EXOC4: variants seen among roughly 807,000 people sequenced by gnomAD.
EXOC4 encodes SEC8-like 1.
In EXOC4, 71 loss-of-function variants were observed where a neutral mutation model predicts 107.2. The observed-to-expected ratio is 0.66, with a 90% CI of 0.55 to 0.81. The LOEUF (loss-of-function observed/expected upper bound fraction) is 0.81, where lower values mean the gene tolerates loss of function less well. Among genes scored for constraint, EXOC4 ranks in the 30% least tolerant of loss-of-function variants. The pLI is 0.00. For synonymous variants in EXOC4, 456 were observed against 441.2 expected (o/e 1.03, Z -0.42); for missense variants, 1,108 against 1,189.6 (o/e 0.93, Z 1.01).
chr7:133,968,909 CT>C (rs1237764176), intron 14 of EXOC4, among the ~76,000 whole-genome samples: 2 of 152,182 alleles, frequency 1.3e-5, no homozygotes, highest in African/African-American at 4.8e-5. Context: ...TGGGGAAGTT[CT>C]CCTGAATAAT....
At chr7:134,099,951 C>T in the EXOC4 span, among the ~76,000 whole-genome samples, 1 of 152,124 alleles carries the variant, frequency 6.6e-6, no homozygotes, top group Non-Finnish European at 1.5e-5. Flanking sequence ...AGGTGACCCA[C>T]CCGCCTCAGC....
chr7:133,884,377 C>T (rs1239104151), intron 11 of EXOC4, among the ~76,000 whole-genome samples: 1 of 152,184 alleles, frequency 6.6e-6, no homozygotes, highest in Non-Finnish European at 1.5e-5. Flanking sequence ...TAACCCAAAA[C>T]TCGGGGCCTC....
intron 10 of EXOC4, among the ~76,000 whole-genome samples, chr7:133,691,643 G>T (rs1394584644): frequency 6.6e-6 from 1 of 152,112 alleles, no homozygotes; most frequent in Admixed American, 6.6e-5. Context: ...TAAACAAGAA[G>T]TAAGCGAGCA....
At chr7:133,735,116 C>T (rs1459597001) in intron 10 of EXOC4, among the ~76,000 whole-genome samples, 1 of 136,328 alleles carries the variant, frequency 7.3e-6, no homozygotes, top group Non-Finnish European at 1.5e-5. Context: ...ATCCCAGCTA[C>T]TCGGGAGGCT....
At chr7:134,083,688 TA>T in the EXOC4 span, among the ~76,000 whole-genome samples, 2 of 152,040 alleles carry the variant, frequency 1.3e-5, no homozygotes, top group Non-Finnish European at 2.9e-5. Context: ...CTCAGGGCTC[TA>T]AAAAAAACCA....
rs568577975 is a variant in EXOC4, at chr7:133,331,962, A to T, written c.763+14572A>T. On this transcript the variant is annotated intron_variant, in intron 5 of 17. Transcript: ENST00000253861. Reference sequence around the variant, plus strand: ...AATTTAGATGTAGTAGTTCAACTATAACTTAGGTAGAAGGATGGGAGAAGT... The same window carrying T: ...AATTTAGATGTAGTAGTTCAACTATTACTTAGGTAGAAGGATGGGAGAAGT... 6.6e-5 allele frequency among the ~76,000 whole-genome samples: 10 copies of T among 152,326 alleles called. No individual in the cohort carries two copies. In the East Asian group the frequency reaches 1.9e-3, roughly 29 times the overall value.
intron 14 of EXOC4, among the ~76,000 whole-genome samples, chr7:133,942,667 A>G (rs1034972492): frequency 2.0e-5 from 3 of 152,140 alleles, no homozygotes; most frequent in Admixed American, 6.5e-5. Context: ...TTTTCTTTCT[A>G]CTACGTCAGT....
At chr7:133,255,836 G>T (rs951602318) in intron 1 of EXOC4, among the ~76,000 whole-genome samples, 1 of 152,196 alleles carries the variant, frequency 6.6e-6, no homozygotes, top group Non-Finnish European at 1.5e-5. Flanking sequence ...TGGGGAATGG[G>T]GGGAGAGTCC....
chr7:133,810,755 C>T (rs747336026), intron 10 of EXOC4, among the ~76,000 whole-genome samples: 4 of 151,972 alleles, frequency 2.6e-5, no homozygotes, highest in African/African-American at 4.8e-5. Flanking sequence ...GCTTGTTTCC[C>T]GAGTAGCTGG....
the EXOC4 span, among the ~76,000 whole-genome samples, chr7:134,074,068 C>T: frequency 6.6e-6 from 1 of 152,222 alleles, no homozygotes; most frequent in Non-Finnish European, 1.5e-5. Flanking sequence ...GTCCTGCCCT[C>T]TGTGGGCACT....
chr7:133,956,077 G>A (rs1800812546), intron 14 of EXOC4, among the ~76,000 whole-genome samples: 1 of 152,226 alleles, frequency 6.6e-6, no homozygotes, highest in Admixed American at 6.5e-5. Flanking sequence ...GGGAGGCCTG[G>A]GTCCGCAGCT....
chr7:133,590,348 G>A (rs539678200), intron 9 of EXOC4, among the ~76,000 whole-genome samples: 2 of 152,156 alleles, frequency 1.3e-5, no homozygotes, highest in South Asian at 4.2e-4. Flanking sequence ...GGAGTGCAGT[G>A]TAACAATCAT....
chr7:133,751,521 A>G (rs972538068), intron 10 of EXOC4, among the ~76,000 whole-genome samples: 3 of 152,098 alleles, frequency 2.0e-5, no homozygotes, highest in African/African-American at 7.2e-5. Context: ...CTTTTCATTC[A>G]AGTTTAATTG....
chr7:133,354,413 C>T (rs1322845391), intron 5 of EXOC4, among the ~76,000 whole-genome samples: 1 of 152,120 alleles, frequency 6.6e-6, no homozygotes, highest in Non-Finnish European at 1.5e-5. Context: ...TCTAAGCCTG[C>T]ACCTTTACAT....
intron 10 of EXOC4, among the ~76,000 whole-genome samples, chr7:133,684,751 A>C (rs906422445): frequency 2.6e-5 from 4 of 152,216 alleles, no homozygotes; most frequent in African/African-American, 4.8e-5. Flanking sequence ...ACTAAAAACC[A>C]GAACAGTAAA....
chr7:133,558,598 A>G (rs1800748125), intron 9 of EXOC4, among the ~76,000 whole-genome samples: 1 of 152,148 alleles, frequency 6.6e-6, no homozygotes, highest in Non-Finnish European at 1.5e-5. Flanking sequence ...AAACAAATGT[A>G]CGTATTCTTC....
intron 14 of EXOC4, among the ~76,000 whole-genome samples, chr7:133,956,802 A>G (rs576041283): frequency 2.0e-4 from 31 of 152,226 alleles, no homozygotes; most frequent in Admixed American, 3.9e-4. Context: ...AAAAGACTCT[A>G]TTTCTTAATG....
intron 17 of EXOC4, among the ~76,000 whole-genome samples, chr7:134,031,977 G>A (rs2116480193): frequency 6.6e-6 from 1 of 152,110 alleles, no homozygotes; most frequent in East Asian, 1.9e-4. Context: ...TGTAAATCAT[G>A]ACTCTTTGTT....
At chr7:133,464,235 A>G (rs1027284124) in intron 7 of EXOC4, among the ~76,000 whole-genome samples, 3 of 152,238 alleles carry the variant, frequency 2.0e-5, no homozygotes, top group Admixed American at 2.0e-4. Flanking sequence ...TTACATAGGT[A>G]AACGTGTGCT....
Sources: allele counts gnomAD v4.1 joint callset (sites outside exome capture counted in the v4.1 genomes callset), GRCh38; gene constraint gnomAD v4.1.1; transcripts MANE v1.5; gene names NCBI Gene and HGNC (gene_info 2026-07-23, HGNC 2026-07-21).